The following STK4 variants were observed in gnomAD, a reference collection of about 807,000 sequenced individuals.
The protein encoded by STK4 is serine/threonine-protein kinase 4.
A neutral mutation model predicts 64.9 loss-of-function variants in STK4; 30 were observed. That is an observed-to-expected ratio of 0.46 (90% CI 0.35 to 0.63). STK4 has a LOEUF of 0.63. STK4 is among the 20% of genes least tolerant of loss of function. STK4 has a pLI of 0.01. For synonymous variants in STK4, 177 were observed against 199.0 expected (o/e 0.89, Z 0.93); for missense variants, 466 against 598.5 (o/e 0.78, Z 2.31).
At chr20:45,026,300 A>G (rs983792422) in intron 10 of STK4, among the ~76,000 whole-genome samples, 4 of 147,812 alleles carry the variant, frequency 2.7e-5, no homozygotes, top group Non-Finnish European at 5.9e-5. Flanking sequence ...AGCAAAAGGG[A>G]GGTTAGGAGA....
rs71197599 is a variant in STK4 at position 45,062,989 on chromosome 20, C to CTTTTTTTTTTTTT, written c.1306-12011_1306-11999dup. On this transcript the variant is annotated intron_variant, in intron 10 of 10. Transcript: ENST00000372806. ...ACAGGTGTGAGCCACCGCACCCGGC[C>CTTTTTTTTTTTTT]TTTTTTTTTTTTTTTTTTTTTTTTT... Among the ~76,000 whole-genome samples the CTTTTTTTTTTTTT allele has an allele frequency of 3.3e-3, 103 of 31,512 alleles. 27 individuals carry two copies. Among genetic ancestry groups the CTTTTTTTTTTTTT allele is most frequent in the Non-Finnish European group, 4.8e-3 (83 of 17,138 alleles). The allele number at this position is 31,512 out of a possible 152,430, so 20.7% of individuals were successfully genotyped here. A position where few individuals can be genotyped will look rare whatever the true frequency, so the allele number is the denominator to read the frequency against.
chr20:45,001,049 T>G, intron 8 of STK4, 118 bp from the exon 9 acceptor site: 1 of 1,144,576 alleles, frequency 8.7e-7, no homozygotes, highest in Non-Finnish European at 1.2e-6. Context: ...AAGGTGAGTT[T>G]AGGACCTGAA....
chr20:45,009,811 T>G (rs114280873), intron 9 of STK4, among the ~76,000 whole-genome samples: 2,152 of 152,252 alleles, frequency 0.014, 39 homozygotes, highest in African/African-American at 0.043. Context: ...AGGATTGTGT[T>G]CTTGATTTCA....
rs78087569 is a variant in STK4 at position 44,976,871 on chromosome 20, A to C, written c.117-1572A>C. On this transcript the variant is annotated intron_variant, in intron 2 of 10. Coordinates refer to ENST00000372806, the MANE Select transcript of STK4 (RefSeq NM_006282.5). ...GCATTAGTTTCAAGCATCATCCCTCACATGGCAGTAACCAAAGAAAGAAGG... is the reference window on the plus strand; with the variant it reads ...GCATTAGTTTCAAGCATCATCCCTCCCATGGCAGTAACCAAAGAAAGAAGG... Among the ~76,000 whole-genome samples, 459 of 152,324 alleles carry C rather than the reference A, an allele frequency of 3.0e-3. 2 individuals are homozygous for C. The highest frequency in any genetic ancestry group is 0.011 in the African/African-American group (437 of 41,566).
intron 9 of STK4, chr20:45,007,838 G>T: frequency 2.4e-6 from 1 of 410,994 alleles, no homozygotes; most frequent in Non-Finnish European, 4.8e-6. Context: ...TTATACCCAG[G>T]TAATGAGCAT....
chr20:44,969,324 C>CTA (rs2067205721), intron 1 of STK4, among the ~76,000 whole-genome samples: 1 of 152,128 alleles, frequency 6.6e-6, no homozygotes, highest in Non-Finnish European at 1.5e-5. Flanking sequence ...ATAAAATGAA[C>CTA]TTTATGGGAG....
intron 5 of STK4, among the ~76,000 whole-genome samples, chr20:44,989,416 T>C (rs1346985256): frequency 6.6e-6 from 1 of 152,168 alleles, no homozygotes; most frequent in African/African-American, 2.4e-5. Flanking sequence ...TTTGGGAAAA[T>C]GTCTATTTAA....
chr20:45,026,346 T>TGTGTGTGTGTGC (rs1555817286), intron 10 of STK4, among the ~76,000 whole-genome samples: 1 of 150,682 alleles, frequency 6.6e-6, no homozygotes, highest in Non-Finnish European at 1.5e-5. Flanking sequence ...TGTGTGTGTG[T>TGTGTGTGTGTGC]GTGCATAGTT....
intron 2 of STK4, among the ~76,000 whole-genome samples, chr20:44,978,162 A>T (rs1037393499): frequency 6.6e-6 from 1 of 152,234 alleles, no homozygotes; most frequent in African/African-American, 2.4e-5. Context: ...TACAGTCTCT[A>T]GCAGATAGCA....
intron 10 of STK4, among the ~76,000 whole-genome samples, chr20:45,060,376 T>C (rs1978885967): frequency 6.6e-6 from 1 of 152,258 alleles, no homozygotes; most frequent in Non-Finnish European, 1.5e-5. Context: ...TGCATTTCAT[T>C]TTTAAAAGTT....
intron 10 of STK4, among the ~76,000 whole-genome samples, chr20:45,050,557 G>A (rs1050503157): frequency 7.9e-5 from 12 of 151,958 alleles, no homozygotes; most frequent in South Asian, 4.1e-4. Flanking sequence ...TTTCCCTATC[G>A]TTTTTGGTAT....
intron 10 of STK4, among the ~76,000 whole-genome samples, chr20:45,031,650 C>T (rs1326557243): frequency 6.6e-6 from 1 of 151,922 alleles, no homozygotes; most frequent in Non-Finnish European, 1.5e-5. Context: ...GCCTGTAATC[C>T]CAGCACTTTG....
At chr20:45,054,718 C>T (rs1281272531) in intron 10 of STK4, among the ~76,000 whole-genome samples, 1 of 152,000 alleles carries the variant, frequency 6.6e-6, no homozygotes, top group Non-Finnish European at 1.5e-5. Context: ...ATCTGTAGCA[C>T]TGGGTTAATA....
chr20:45,004,115 A>C (rs949939934), intron 9 of STK4, among the ~76,000 whole-genome samples: 25 of 151,264 alleles, frequency 1.7e-4, no homozygotes, highest in African/African-American at 5.8e-4. Context: ...TTTTTTTTTG[A>C]GACGGAGTCT....
At chr20:45,062,460 G>C (rs369419684) in intron 10 of STK4, among the ~76,000 whole-genome samples, 4,280 of 152,294 alleles carry the variant, frequency 0.028, 183 homozygotes, top group African/African-American at 0.092. Flanking sequence ...GGATTGCTGG[G>C]CCAAATGGTA....
Sources: gnomAD v4.1 joint callset for allele counts (sites outside exome capture counted in the v4.1 genomes callset) on GRCh38, gnomAD v4.1.1 for gene constraint, MANE v1.5 for transcripts, NCBI Gene and HGNC (gene_info 2026-07-23, HGNC 2026-07-21) for gene names.